The following CD81 variants were observed in gnomAD, a reference collection of about 807,000 sequenced individuals.
CD81 encodes CD81 antigen.
CD81 carries 10 observed loss-of-function variants against 30.1 expected under a neutral mutation model. The observed-to-expected ratio is 0.33, with a 90% CI of 0.21 to 0.56. The LOEUF (loss-of-function observed/expected upper bound fraction) is 0.56, where lower values mean the gene tolerates loss of function less well. CD81 is among the 20% of genes least tolerant of loss of function. The pLI is 0.89. For missense variants in CD81, 263 were observed against 308.7 expected, an observed-to-expected ratio of 0.85 and a Z score of 1.11; for synonymous variants, 147 against 126.4, an observed-to-expected ratio of 1.16 and a Z score of -1.10.
chr11:2,395,316 C>T, intron 4 of CD81, 100 bp from the exon 5 acceptor site: 1 of 973,454 alleles, frequency 1.0e-6, no homozygotes, highest in South Asian at 1.4e-5. Flanking sequence ...CCACCCTGCC[C>T]AGGGAGAGCC....
intron 2 of CD81, chr11:2,391,954 G>C (rs80160734): frequency 0.075 from 11,343 of 152,250 alleles, 1,187 homozygotes; most frequent in African/African-American, 0.23. Context: ...TAGGATATTT[G>C]GGGTCCAGAA....
chr11:2,394,845 T>A, intron 3 of CD81, 127 bp from the exon 4 acceptor site: 1 of 845,598 alleles, frequency 1.2e-6, no homozygotes, highest in Non-Finnish European at 2.0e-6. Context: ...TCACTCCTGG[T>A]CAGGTCGTGG....
chr11:2,380,936 G>A (rs932091806), intron 1 of CD81, among the ~76,000 whole-genome samples: 4 of 152,244 alleles, frequency 2.6e-5, no homozygotes, highest in South Asian at 2.1e-4. Flanking sequence ...AAACCCGGCC[G>A]GGAAAGAGAC....
chr11:2,396,059 C>A, intron 6 of CD81, 89 bp downstream of exon 6: 2 of 845,294 alleles, frequency 2.4e-6, no homozygotes, highest in Non-Finnish European at 4.0e-6. Flanking sequence ...CACGGCAGCC[C>A]CACAGGGAGC....
rs1462568283 is a variant in CD81, at chr11:2,377,383, A to AGCGCCCCAC, written c.-159_-151dup. The AGCGCCCCAC allele has an allele frequency of 1.3e-5, 2 of 151,904 alleles. No homozygotes were observed. Among genetic ancestry groups the AGCGCCCCAC allele is most frequent in the Non-Finnish European group, 2.8e-5 (2 of 70,264 alleles). 9.4% of individuals were successfully genotyped at this position (151,904 alleles called of 1,614,324 possible). A position where few individuals can be genotyped will look rare whatever the true frequency, so the allele number is the denominator to read the frequency against. On this transcript the variant is annotated 5_prime_UTR_variant, in exon 1 of 8. Transcript: ENST00000263645. This position sits in a 1 kb window ranked among gnomAD's most constrained non-coding sequence, Gnocchi z 7.7. ...GCATCCTGCCAGGCCTCCGGCGCCC[A>AGCGCCCCAC]GCGCCCCACGCGCCCCCGCGCCCCC...
chr11:2,397,329 G>A lies in CD81; in HGVS notation c.*463G>A, dbSNP rs183619205. On this transcript the variant is annotated 3_prime_UTR_variant, in exon 8 of 8. Coordinates refer to ENST00000263645, the MANE Select transcript of CD81 (RefSeq NM_004356.4). ...TTCATGCACCTGTCCTTTCTAACAC[G>A]TCGCCTTCAACTGTAATCACAACAT... The A allele has an allele frequency of 8.5e-5, 19 of 222,500 alleles. No homozygotes were observed. The East Asian group carries it at 1.8e-3, about 21-fold the overall frequency. 13.8% of individuals were successfully genotyped at this position (222,500 alleles called of 1,614,324 possible).
At chr11:2,394,832 C>A in intron 3 of CD81, 140 bp from the exon 4 acceptor site, 1 of 782,906 alleles carries the variant, frequency 1.3e-6, no homozygotes, top group Non-Finnish European at 2.2e-6. Context: ...CCACACAAGC[C>A]GCTCACTCCT....
At chr11:2,386,064 GT>G in intron 1 of CD81, 1 of 717,412 alleles carries the variant, frequency 1.4e-6, no homozygotes, top group Non-Finnish European at 2.6e-6. Flanking sequence ...CCAGCAGCAT[GT>G]GGTGTGGTTG....
intron 1 of CD81, among the ~76,000 whole-genome samples, chr11:2,380,410 C>T (rs1175798202): frequency 6.6e-6 from 1 of 152,104 alleles, no homozygotes; most frequent in Non-Finnish European, 1.5e-5. Context: ...CGCACAGGCA[C>T]TCACACACAC....
At chr11:2,384,347 G>A (rs1849751120) in intron 1 of CD81, among the ~76,000 whole-genome samples, 1 of 140,764 alleles carries the variant, frequency 7.1e-6, no homozygotes, top group Admixed American at 6.9e-5. Context: ...GGGCGTCTCG[G>A]GAGGTGGGGT....
intron 1 of CD81, among the ~76,000 whole-genome samples, chr11:2,389,332 G>C (rs1037833237): frequency 4.6e-5 from 7 of 152,196 alleles, no homozygotes; most frequent in African/African-American, 1.7e-4. Context: ...GCCCTGCATG[G>C]TGCTAGGCAC....
At chr11:2,393,626 G>A (rs1251576168) in intron 2 of CD81, 13 of 527,306 alleles carry the variant, frequency 2.5e-5, no homozygotes, top group Middle Eastern at 5.0e-4. Flanking sequence ...TTCCAGTTCC[G>A]GTTCCTGGGC....
chr11:2,386,602 C>T (rs368221305), intron 1 of CD81: 36 of 717,258 alleles, frequency 5.0e-5, no homozygotes, highest in East Asian at 3.8e-4. Context: ...GGCATGGCCC[C>T]GTTTGTCCAT....
chr11:2,377,610 TTC>T lies in CD81; in HGVS notation c.63_64del (p.Phe21LeufsTer17). On this transcript the variant is annotated frameshift_variant, in exon 1 of 8. Coordinates refer to ENST00000263645, the MANE Select transcript of CD81 (RefSeq NM_004356.4). LOFTEE classifies it high-confidence loss of function. This position sits in a 1 kb window ranked among gnomAD's most constrained non-coding sequence, Gnocchi z 7.7. ...CCTGCTCTTCGTCTTCAATTTCGTC[TTC>T]TGGGTAAGGGCTGCGCCGGGGGCCG... is the stretch of plus-strand genomic sequence containing the variant. ...KYLLFVFNFV[F>X]WLAGGVILGV... is the part of the protein sequence containing the mutation. 1 of 1,542,904 alleles carries T rather than the reference TTC, an allele frequency of 6.5e-7. No individual in the cohort carries two copies. Among genetic ancestry groups the T allele is most frequent in the East Asian group, 2.5e-5 (1 of 39,250 alleles).
At chr11:2,390,372 T>C (rs1849876412) in intron 1 of CD81, 40 bp from the exon 2 acceptor site, 6 of 1,512,172 alleles carry the variant, frequency 4.0e-6, no homozygotes, top group Non-Finnish European at 5.5e-6. Context: ...CCTGCTGCAG[T>C]GCTCTTCGTA....
chr11:2,384,738 CA>C, intron 1 of CD81: 1 of 159,798 alleles, frequency 6.3e-6, no homozygotes, highest in Non-Finnish European at 1.4e-5. Flanking sequence ...AGAGGGGTGA[CA>C]GGAGTTCCAG....
In CD81 at chr11:2,377,459, C is replaced by G. The variant is rs1229652866; in HGVS notation, c.-91C>G. On this transcript the variant is annotated 5_prime_UTR_variant, in exon 1 of 8. Coordinates refer to ENST00000263645, the MANE Select transcript of CD81 (RefSeq NM_004356.4). The surrounding 1 kb of genome is among the most constrained non-coding windows in gnomAD (Gnocchi z 7.7). ...CCCCCGCCCCTCGGCCCGCCAGGCCCCCTTGCCGGCCACCCGCCAGGCCCC... is the reference window on the plus strand; with the variant it reads ...CCCCCGCCCCTCGGCCCGCCAGGCCGCCTTGCCGGCCACCCGCCAGGCCCC... 4 of 385,400 alleles carry G rather than the reference C, an allele frequency of 1.0e-5. No homozygotes were observed. Among genetic ancestry groups the G allele is most frequent in the African/African-American group, 8.8e-5 (4 of 45,452 alleles). 23.9% of individuals were successfully genotyped at this position (385,400 alleles called of 1,614,324 possible).
intron 6 of CD81, chr11:2,396,318 G>T: frequency 1.7e-6 from 1 of 573,076 alleles, no homozygotes; most frequent in Non-Finnish European, 3.1e-6. Context: ...GAAGTTTCCT[G>T]CTGAGGCCTC....
chr11:2,395,087 G>C, intron 4 of CD81, 41 bp downstream of exon 4: 8 of 1,507,578 alleles, frequency 5.3e-6, no homozygotes, highest in African/African-American at 1.4e-5. Flanking sequence ...GTGGGTGACG[G>C]GGGCACCCTC....
Sources: allele counts gnomAD v4.1 joint callset (sites outside exome capture counted in the v4.1 genomes callset), GRCh38; gene constraint gnomAD v4.1.1; non-coding constraint Gnocchi (gnomAD v3.1); transcripts MANE v1.5; gene names NCBI Gene and HGNC (gene_info 2026-07-23, HGNC 2026-07-21).